Variants in MCM7 observed in about 807,000 individuals in gnomAD.
MCM7 encodes the protein minichromosome maintenance complex component 7, also known as DNA replication licensing factor MCM7.
A neutral mutation model predicts 83.5 loss-of-function variants in MCM7; 95 were observed. The ratio of observed to expected loss-of-function variants is 1.14; its 90% CI spans 0.96 to 1.35. The LOEUF (loss-of-function observed/expected upper bound fraction) is 1.35. MCM7 is among the 40% of genes most tolerant of loss of function. The pLI is 0.00. For synonymous variants in MCM7, 461 were observed against 352.7 expected (o/e 1.31, Z -3.44); for missense variants, 1,087 against 957.4 (o/e 1.14, Z -1.79).
intron 1 of MCM7, chr7:100,100,309 A>G (rs906413733): frequency 1.2e-5 from 15 of 1,282,144 alleles, no homozygotes; most frequent in African/African-American, 1.5e-5. Context: ...GCCATCCAAC[A>G]TCTCCCCAGG....
chr7:100,099,252 A>C, intron 4 of MCM7, 27 bp downstream of exon 4: 1 of 1,614,098 alleles, frequency 6.2e-7, no homozygotes. Context: ...ACCAATCCCT[A>C]CATCTTTCCC....
At position 100,097,298 on chromosome 7, in the gene MCM7, T is replaced by C. The variant is rs1188808384; in HGVS notation, c.1201+3A>G. On this transcript the variant is annotated splice_donor_region_variant and intron_variant, in intron 10 of 14. Transcript: ENST00000303887. ...TCACCTCCCGCAAAGCCCAACTACTTACTGCGAGGCGCCAGTCGATCAATG... is the reference window on the plus strand; with the variant it reads ...TCACCTCCCGCAAAGCCCAACTACTCACTGCGAGGCGCCAGTCGATCAATG... 6.2e-7 allele frequency: 1 copy of C among 1,613,920 alleles called. No homozygotes were observed. The highest frequency in any genetic ancestry group is 8.5e-7 in the Non-Finnish European group (1 of 1,179,858).
intron 1 of MCM7, chr7:100,101,002 G>C (rs1795986294): frequency 4.7e-6 from 4 of 844,624 alleles, no homozygotes; most frequent in Admixed American, 3.2e-5. Context: ...CCCCAGCCGG[G>C]TTAGCGCGCC....
rs1302388595 is a variant in MCM7, at chr7:100,093,013, C to G, written c.2079G>C (p.Gln693His). The G allele has an allele frequency of 1.9e-6, 3 of 1,614,236 alleles. No homozygotes were observed. The highest frequency in any genetic ancestry group is 2.5e-6 in the Non-Finnish European group (3 of 1,180,040). ...RCVSRGFTPA[Q>H]FQAALDEYEE... ...CATATTCATCCAGAGCCGCCTGGAA[C>G]TGGGCGGGTGTGAAGCCACGAGATA... The change falls in exon 15 of 15, where the codon CAG becomes CAC. Residue 693 changes from glutamine (Q) to histidine (H), a missense_variant. Physicochemically the swap from Gln to His is conservative, Grantham distance 24. Coordinates refer to ENST00000303887, the MANE Select transcript of MCM7 (RefSeq NM_005916.5).
chr7:100,100,969 G>C (rs1289973221), intron 1 of MCM7: 67 of 1,007,938 alleles, frequency 6.6e-5, no homozygotes, highest in Non-Finnish European at 5.4e-5. Flanking sequence ...TGAGGTCCTG[G>C]GCGCGACTTT....
rs1456366130 is a variant in MCM7 at position 100,099,111 on chromosome 7, C to T, written c.494G>A (p.Gly165Glu). The stretch of plus-strand genomic sequence containing the variant: ...GACTTCAGAGACACGAGTGACGATT[C>T]CACGCACAGTTACCAACTTCCCCAC... ...DSVGKLVTVR[G>E]IVTRVSEVKP... The change falls in exon 5 of 15, where the codon GGA becomes GAA. Residue 165 changes from glycine (G) to glutamate (E), a missense_variant. Transcript: ENST00000303887. 31 of 1,614,182 alleles carry T rather than the reference C, an allele frequency of 1.9e-5. No homozygotes were observed. Among genetic ancestry groups the T allele is most frequent in the Non-Finnish European group, 2.5e-5 (29 of 1,180,028 alleles).
chr7:100,099,528 G>C (rs1476809256), intron 3 of MCM7, 61 bp downstream of exon 3: 2 of 1,597,728 alleles, frequency 1.3e-6, no homozygotes, highest in East Asian at 2.2e-5. Flanking sequence ...TATCTGAGCA[G>C]CCTCTCTACA....
chr7:100,097,709 G>A lies in MCM7; in HGVS notation c.1022C>T (p.Ala341Val). The A allele has an allele frequency of 6.2e-7, 1 of 1,614,190 alleles. No homozygotes were observed. Among genetic ancestry groups the A allele is most frequent in the Non-Finnish European group, 8.5e-7 (1 of 1,180,044 alleles). Residue 341 changes from alanine (A) to valine (V), a missense_variant, in exon 9 of 15, where the codon GCC becomes GTC. Physicochemically the swap from Ala to Val is moderately conservative, Grantham distance 64. Coordinates refer to ENST00000303887, the MANE Select transcript of MCM7 (RefSeq NM_005916.5). ...ATCTTCATGCCCGTATATTTCTGGG[G>A]CGATTGAAGCTGCCAGCTTTTCGTA... ...DFYEKLAASI[A>V]PEIYGHEDVK...
In MCM7 at chr7:100,099,651, G is replaced by A. The variant is rs374121810; in HGVS notation, c.214C>T (p.Arg72Cys). Residue 72 changes from arginine to cysteine, a missense_variant, in exon 3 of 15, where the codon CGC becomes TGC. By Grantham distance (180) the Arg-to-Cys change is radical. Coordinates refer to ENST00000303887, the MANE Select transcript of MCM7 (RefSeq NM_005916.5). ...LVDSICENAR[R>C]YAKLFADAVQ... ...GCATCAGCAAAGAGCTTCGCGTAGCGCCTGGCATTCTCACAAATTGAGTCC... is the reference window on the plus strand; with the variant it reads ...GCATCAGCAAAGAGCTTCGCGTAGCACCTGGCATTCTCACAAATTGAGTCC... The A allele has an allele frequency of 1.5e-5, 25 of 1,614,018 alleles. No homozygotes were observed. The highest frequency in any genetic ancestry group is 1.6e-4 in the Middle Eastern group (1 of 6,084).
At chr7:100,097,770 A>G in intron 8 of MCM7, 25 bp from the exon 9 acceptor site, 1 of 1,613,692 alleles carries the variant, frequency 6.2e-7, no homozygotes, top group Middle Eastern at 1.6e-4. Flanking sequence ...AGGTTGTTTT[A>G]TTTTCTGGGG....
intron 13 of MCM7, 113 bp from the exon 14 acceptor site, chr7:100,093,514 C>G: frequency 1.0e-6 from 1 of 956,184 alleles, no homozygotes; most frequent in Non-Finnish European, 1.7e-6. Context: ...CGCCTACTCA[C>G]AAAACAGGAG....
chr7:100,098,623 C>T lies in MCM7; in HGVS notation c.675G>A (p.Arg225=). ...RSGGRLYLQT[R]GSRFIKFQEM... ...CCTGGAATTTGATGAATCTGGAGCC[C>T]CGTGTCTGCAGATACAGCCGCCCTC... Residue 225 remains arginine (R), a synonymous_variant, in exon 6 of 15, where the codon CGG becomes CGA. Coordinates refer to ENST00000303887, the MANE Select transcript of MCM7 (RefSeq NM_005916.5). 1.2e-6 allele frequency: 2 copies of T among 1,614,190 alleles called. No homozygotes were observed. The highest frequency in any genetic ancestry group is 1.7e-6 in the Non-Finnish European group (2 of 1,180,034).
At chr7:100,093,638 CTG>C in intron 13 of MCM7, 1 of 748,416 alleles carries the variant, frequency 1.3e-6, no homozygotes, top group South Asian at 1.4e-5. Context: ...CCTCTCAACA[CTG>C]GCCAGTCCCG....
chr7:100,100,963 G>A, intron 1 of MCM7: 8 of 1,027,146 alleles, frequency 7.8e-6, no homozygotes, highest in Non-Finnish European at 1.1e-5. Flanking sequence ...CTCTCCTGAG[G>A]TCCTGGGCGC....
Position 100,099,323 on chromosome 7 carries a change from G to A in MCM7, c.357C>T (p.Val119=). ...MEQRSRDPGM[V]RSPQNQYPAE... ...CAGGGTACTGGTTCTGGGGGCTTCG[G>A]ACCATCCCAGGGTCCCGACTCCGCT... The change falls in exon 4 of 15, where the codon GTC becomes GTT. Residue 119 remains valine (V), a synonymous_variant. Transcript: ENST00000303887. The A allele has an allele frequency of 6.2e-7, 1 of 1,613,068 alleles. No individual in the cohort carries two copies. Among genetic ancestry groups the A allele is most frequent in the African/African-American group, 1.3e-5 (1 of 74,676 alleles).
In MCM7 at chr7:100,098,274, A is replaced by C; in HGVS notation, c.737T>G (p.Val246Gly). ...KMQEHSDQVP[V>G]GNIPRSITVL... Reference sequence around the variant, plus strand: ...CGTGATACTACGAGGGATATTTCCCACAGGCACCTGATCACTCTAGGGGAG... The same window carrying C: ...CGTGATACTACGAGGGATATTTCCCCCAGGCACCTGATCACTCTAGGGGAG... Residue 246 changes from valine to glycine, a missense_variant, in exon 7 of 15, where the codon GTG becomes GGG. Val to Gly is a moderately radical substitution (Grantham distance 109). Transcript: ENST00000303887. The C allele has an allele frequency of 6.2e-7, 1 of 1,614,120 alleles. No homozygotes were observed. Among genetic ancestry groups the C allele is most frequent in the Non-Finnish European group, 8.5e-7 (1 of 1,180,026 alleles).
chr7:100,097,586 CCT>C (rs749621654), intron 9 of MCM7, 26 bp downstream of exon 9: 2 of 1,612,802 alleles, frequency 1.2e-6, no homozygotes, highest in South Asian at 2.2e-5. Context: ...CTTCATCCAC[CCT>C]GAGCCTCTCC....
intron 1 of MCM7, 53 bp from the exon 2 acceptor site, chr7:100,100,146 A>C (rs1442724228): frequency 6.2e-7 from 1 of 1,600,582 alleles, no homozygotes; most frequent in Non-Finnish European, 8.5e-7. Flanking sequence ...CAAATCTTAG[A>C]TACCCATTTT....
At chr7:100,100,639 A>T in intron 1 of MCM7, 1 of 989,446 alleles carries the variant, frequency 1.0e-6, no homozygotes, top group Non-Finnish European at 1.2e-6. Context: ...AGACACCGCG[A>T]TCCCAGCCCA....
Sources: gnomAD v4.1 joint callset for allele counts on GRCh38, gnomAD v4.1.1 for gene constraint, MANE v1.5 for transcripts, NCBI Gene and HGNC (gene_info 2026-07-23, HGNC 2026-07-21) for gene names.